Variants in RNF216 observed in about 807,000 individuals in gnomAD.
RNF216 encodes E3 ubiquitin-protein ligase RNF216.
RNF216 carries 72 observed loss-of-function variants against 110.8 expected under a neutral mutation model. The observed-to-expected ratio is 0.65, with a 90% CI of 0.54 to 0.79. The LOEUF (loss-of-function observed/expected upper bound fraction) is 0.79. Among genes scored for constraint, RNF216 ranks in the 30% least tolerant of loss-of-function variants. The pLI is 0.00. For synonymous variants in RNF216, 495 were observed against 407.5 expected (o/e 1.21, Z -2.59); for missense variants, 1,342 against 1,141.2 (o/e 1.18, Z -2.54).
intron 14 of RNF216, among the ~76,000 whole-genome samples, chr7:5,647,815 A>G (rs1788145539): frequency 6.6e-6 from 1 of 152,166 alleles, no homozygotes; most frequent in South Asian, 2.1e-4. Flanking sequence ...TTCTCCATTT[A>G]TAATACTACA....
Position 5,641,296 on chromosome 7 carries a change from C to T in RNF216, c.2240G>A (p.Arg747His), listed in dbSNP as rs201028513. The T allele has an allele frequency of 3.7e-6, 6 of 1,614,096 alleles. No individual in the cohort carries two copies. The highest frequency in any genetic ancestry group is 3.3e-5 in the Admixed American group (2 of 60,014). ...CTGGGCACCACAGCGGCAAGACATG[C>T]GGTTGCAGCCTTCAGATTTGATGAG... is the stretch of plus-strand genomic sequence containing the variant. Reference protein sequence around the residue: ...TGLIKSEGCNRMSCRCGAQMC... With the variant: ...TGLIKSEGCNHMSCRCGAQMC... The change falls in exon 15 of 17, where the codon CGC (arginine) becomes CAC (histidine). Residue 747 changes from arginine (R) to histidine (H), a missense_variant. Coordinates refer to ENST00000389902, the MANE Select transcript of RNF216 (RefSeq NM_207111.4).
At position 5,731,933 on chromosome 7, in the gene RNF216, G is replaced by A. The variant is rs141488468; in HGVS notation, c.1122-1116C>T. Among the ~76,000 whole-genome samples the A allele has an allele frequency of 6.0e-3, 920 of 152,212 alleles. 3 individuals are homozygous for A. The highest frequency in any genetic ancestry group is 9.8e-3 in the Non-Finnish European group (665 of 67,992). The stretch of plus-strand genomic sequence containing the variant: ...GAGGTTCATTGATTCTGCAGCCCCC[G>A]CCGGGGACCCACGTCAAAGCCTTCT... On this transcript the variant is annotated intron_variant, in intron 5 of 16. Coordinates refer to ENST00000389902, the MANE Select transcript of RNF216 (RefSeq NM_207111.4).
chr7:5,684,845 AAG>A (rs1790876924), intron 13 of RNF216, among the ~76,000 whole-genome samples: 1 of 151,930 alleles, frequency 6.6e-6, no homozygotes, highest in South Asian at 2.1e-4. Flanking sequence ...AGGTGATGAA[AAG>A]AGAGGTCAGT....
At chr7:5,646,670 C>T (rs1321314860) in intron 14 of RNF216, among the ~76,000 whole-genome samples, 3 of 147,512 alleles carry the variant, frequency 2.0e-5, no homozygotes, top group South Asian at 2.1e-4. Context: ...TCCAGCCTGG[C>T]GACAGAGCGA....
chr7:5,781,005 A>T (rs974753703), intron 1 of RNF216, among the ~76,000 whole-genome samples: 1 of 151,858 alleles, frequency 6.6e-6, no homozygotes, highest in Non-Finnish European at 1.5e-5. Context: ...GCCCCGCAGA[A>T]GGGTTTGACG....
At chr7:5,630,709 G>C (rs1413611092) in intron 15 of RNF216, among the ~76,000 whole-genome samples, 1 of 152,100 alleles carries the variant, frequency 6.6e-6, no homozygotes, top group Non-Finnish European at 1.5e-5. Context: ...CTCTTATAAA[G>C]CGCCAAGCAC....
intron 14 of RNF216, among the ~76,000 whole-genome samples, chr7:5,645,160 A>G (rs1787980249): frequency 6.6e-6 from 1 of 151,482 alleles, no homozygotes; most frequent in Non-Finnish European, 1.5e-5. Flanking sequence ...TGCTTTCAAG[A>G]TTTTCTATGT....
At chr7:5,745,696 T>TA (rs1302686396) in intron 3 of RNF216, among the ~76,000 whole-genome samples, 3 of 151,894 alleles carry the variant, frequency 2.0e-5, no homozygotes, top group Admixed American at 2.0e-4. Context: ...GGTCAAGAGT[T>TA]AGAGACCAGC....
intron 1 of RNF216, among the ~76,000 whole-genome samples, chr7:5,771,668 G>A (rs923009136): frequency 3.9e-5 from 6 of 151,952 alleles, no homozygotes; most frequent in Non-Finnish European, 7.4e-5. Context: ...GCGCAGTAGC[G>A]GGCACCTAGT....
At chr7:5,750,043 C>A (rs1389026067) in intron 3 of RNF216, among the ~76,000 whole-genome samples, 1 of 152,108 alleles carries the variant, frequency 6.6e-6, no homozygotes, top group African/African-American at 2.4e-5. Flanking sequence ...AGGATCCCTC[C>A]AGAATTTGCA....
At chr7:5,731,900 G>A (rs1317051728) in intron 5 of RNF216, among the ~76,000 whole-genome samples, 7 of 145,022 alleles carry the variant, frequency 4.8e-5, no homozygotes, top group African/African-American at 1.4e-4. Context: ...TTTGGGGACC[G>A]GTTTGGAGAG....
chr7:5,688,983 C>A (rs142138967), intron 13 of RNF216, among the ~76,000 whole-genome samples: 111 of 152,264 alleles, frequency 7.3e-4, no homozygotes, highest in African/African-American at 2.6e-3. Context: ...AGGAAATACT[C>A]CTTTTTCTTC....
chr7:5,713,877 A>T (rs1465841590), intron 11 of RNF216, among the ~76,000 whole-genome samples: 1 of 152,252 alleles, frequency 6.6e-6, no homozygotes, highest in Non-Finnish European at 1.5e-5. Context: ...CATTTTACAG[A>T]GGAAGAAACA....
intron 13 of RNF216, among the ~76,000 whole-genome samples, chr7:5,682,412 CTT>C (rs775691792): frequency 1.4e-4 from 19 of 140,518 alleles, no homozygotes; most frequent in Admixed American, 2.1e-4. Context: ...CATTTTTTTT[CTT>C]TTTTTTTTTT....
intron 14 of RNF216, among the ~76,000 whole-genome samples, chr7:5,646,655 T>C (rs1315664644): frequency 6.6e-6 from 1 of 150,720 alleles, no homozygotes; most frequent in African/African-American, 2.4e-5. Context: ...ATTGCACCAC[T>C]GCACTCCAGC....
At chr7:5,753,990 A>G (rs532122733) in intron 2 of RNF216, among the ~76,000 whole-genome samples, 1 of 152,238 alleles carries the variant, frequency 6.6e-6, no homozygotes, top group East Asian at 1.9e-4. Context: ...GTGAGACCCC[A>G]TCTCAAATTT....
At chr7:5,750,796 G>A (rs1051564026) in intron 3 of RNF216, among the ~76,000 whole-genome samples, 13 of 152,152 alleles carry the variant, frequency 8.5e-5, no homozygotes, top group African/African-American at 2.4e-4. Flanking sequence ...GCAGGACAAC[G>A]TTGCAGTGAA....
chr7:5,653,432 A>G (rs570782671), intron 13 of RNF216, among the ~76,000 whole-genome samples: 8 of 151,760 alleles, frequency 5.3e-5, no homozygotes, highest in South Asian at 4.2e-4. Context: ...CCCTGTCTCT[A>G]CTAAAAATAC....
At chr7:5,646,885 T>C (rs1788081889) in intron 14 of RNF216, among the ~76,000 whole-genome samples, 3 of 152,282 alleles carry the variant, frequency 2.0e-5, no homozygotes, top group African/African-American at 4.8e-5. Context: ...CTTTCTTAGT[T>C]TTTGAGTTCC....
Sources: gnomAD v4.1 joint callset for allele counts (sites outside exome capture counted in the v4.1 genomes callset) on GRCh38, gnomAD v4.1.1 for gene constraint, MANE v1.5 for transcripts, NCBI Gene and HGNC (gene_info 2026-07-23, HGNC 2026-07-21) for gene names.